PRRX1: variants seen among roughly 807,000 people sequenced by gnomAD.
PRRX1 encodes the protein paired mesoderm homeobox protein 1.
In PRRX1, 8 loss-of-function variants were observed where a neutral mutation model predicts 24.0. The ratio of observed to expected loss-of-function variants is 0.33; its 90% CI spans 0.20 to 0.60. PRRX1 has a LOEUF of 0.60. Ranked by LOEUF, PRRX1 falls within the 20% of genes least tolerant of loss-of-function variation. The pLI, the probability that PRRX1 is intolerant of heterozygous loss-of-function variation, is 0.82. For synonymous variants in PRRX1, 160 were observed against 131.7 expected (o/e 1.22, Z -1.47); for missense variants, 281 against 322.4 (o/e 0.87, Z 0.98).
intron 1 of PRRX1, among the ~76,000 whole-genome samples, chr1:170,704,899 C>A (rs1287383825): frequency 6.6e-6 from 1 of 152,128 alleles, no homozygotes; most frequent in Admixed American, 6.5e-5. Context: ...TTACTGGATG[C>A]TTTGTGCCAT....
At chr1:170,719,657 C>T in intron 1 of PRRX1, 69 bp from the exon 2 acceptor site, 4 of 1,503,586 alleles carry the variant, frequency 2.7e-6, no homozygotes, top group Non-Finnish European at 3.7e-6. Flanking sequence ...ATAGATATAC[C>T]ATAAAAAAGT....
chr1:170,713,421 C>T (rs530891643), intron 1 of PRRX1, among the ~76,000 whole-genome samples: 124 of 152,196 alleles, frequency 8.1e-4, no homozygotes, highest in African/African-American at 2.7e-3. Context: ...AGAGTTAAAG[C>T]GCTTAAGGTG....
At chr1:170,729,268 C>G (rs1016236738) in intron 3 of PRRX1, among the ~76,000 whole-genome samples, 4 of 152,166 alleles carry the variant, frequency 2.6e-5, no homozygotes, top group African/African-American at 9.7e-5. Flanking sequence ...TATCTCAGAT[C>G]AGTGAGGCAT....
intron 1 of PRRX1, among the ~76,000 whole-genome samples, chr1:170,695,368 T>A (rs1023133528): frequency 1.3e-5 from 2 of 152,186 alleles, no homozygotes; most frequent in African/African-American, 4.8e-5. Context: ...GAGATGCTAT[T>A]TTAATACTAC....
chr1:170,735,511 T>C (rs1180498642), intron 3 of PRRX1, among the ~76,000 whole-genome samples: 2 of 152,206 alleles, frequency 1.3e-5, no homozygotes, highest in African/African-American at 4.8e-5. Context: ...AGAGAACATA[T>C]GTTAGGTTGT....
chr1:170,674,374 T>C lies in PRRX1; in HGVS notation c.241+9915T>C, dbSNP rs538315840. On this transcript the variant is annotated intron_variant, in intron 1 of 3. Transcript: ENST00000239461. ...TCATTTTGGCTTCTCTGACTTCTGA[T>C]GTGAAGTGTCCTTGCTCTGTGCCTC... Among the ~76,000 whole-genome samples the C allele has an allele frequency of 5.3e-5, 8 of 152,362 alleles. No homozygotes were observed. In the South Asian group the frequency reaches 1.7e-3, roughly 32 times the overall value.
chr1:170,665,136 G>A (rs1318710773), intron 1 of PRRX1, among the ~76,000 whole-genome samples: 3 of 152,228 alleles, frequency 2.0e-5, no homozygotes, highest in African/African-American at 7.2e-5. Context: ...CTCGGGCCAA[G>A]CAAAGGGAAT....
intron 3 of PRRX1, among the ~76,000 whole-genome samples, chr1:170,729,443 T>C (rs1655360484): frequency 6.8e-6 from 1 of 147,108 alleles, no homozygotes; most frequent in Non-Finnish European, 1.5e-5. Context: ...AACCAAGGCA[T>C]AAAAGCAGTT....
At chr1:170,702,096 A>G (rs1464038737) in intron 1 of PRRX1, among the ~76,000 whole-genome samples, 1 of 152,158 alleles carries the variant, frequency 6.6e-6, no homozygotes, top group African/African-American at 2.4e-5. Context: ...AGGAACCTGC[A>G]ACCTAGATCC....
chr1:170,674,620 A>G (rs1314555693), intron 1 of PRRX1, among the ~76,000 whole-genome samples: 2 of 152,078 alleles, frequency 1.3e-5, no homozygotes, highest in African/African-American at 4.8e-5. Flanking sequence ...TTTGGGGAAA[A>G]GGTGTATTCT....
intron 1 of PRRX1, among the ~76,000 whole-genome samples, chr1:170,698,347 C>G (rs888861556): frequency 3.9e-5 from 6 of 152,094 alleles, no homozygotes; most frequent in Non-Finnish European, 7.3e-5. Flanking sequence ...TATATAACCA[C>G]TTGAGAAAAA....
chr1:170,719,665 A>G, intron 1 of PRRX1, 61 bp from the exon 2 acceptor site: 1 of 1,545,390 alleles, frequency 6.5e-7, no homozygotes, highest in Admixed American at 1.7e-5. Context: ...ACCATAAAAA[A>G]GTCTTAACTG....
At chr1:170,708,323 C>T (rs1654631264) in intron 1 of PRRX1, among the ~76,000 whole-genome samples, 1 of 150,388 alleles carries the variant, frequency 6.6e-6, no homozygotes, top group Non-Finnish European at 1.5e-5. Flanking sequence ...CCAAATGTAA[C>T]TTTTTTTTTT....
intron 1 of PRRX1, among the ~76,000 whole-genome samples, chr1:170,673,706 C>T (rs1653215827): frequency 6.6e-6 from 1 of 152,206 alleles, no homozygotes; most frequent in Non-Finnish European, 1.5e-5. Flanking sequence ...CCAGTCTGAT[C>T]CTCCTACAGC....
Position 170,692,872 on chromosome 1 carries a change from A to T in PRRX1, c.242-26854A>T, listed in dbSNP as rs79154288. ...CTTCTGCAGAAAGCCCTTGACCCTGAGGTGTCTTGGGAAATTTTAGGACTT... is the reference window on the plus strand; with the variant it reads ...CTTCTGCAGAAAGCCCTTGACCCTGTGGTGTCTTGGGAAATTTTAGGACTT... On this transcript the variant is annotated intron_variant, in intron 1 of 3. Coordinates refer to ENST00000239461, the MANE Select transcript of PRRX1 (RefSeq NM_022716.4). Among the ~76,000 whole-genome samples the T allele has an allele frequency of 7.7e-3, 1,176 of 152,146 alleles. 16 individuals carry two copies. Among genetic ancestry groups the T allele is most frequent in the African/African-American group, 0.027 (1,114 of 41,526 alleles).
chr1:170,667,900 C>A (rs776244118), intron 1 of PRRX1: 4 of 152,186 alleles, frequency 2.6e-5, no homozygotes, highest in African/African-American at 9.7e-5. Context: ...TGCAAAATTC[C>A]TAACTATAAC....
intron 1 of PRRX1, among the ~76,000 whole-genome samples, chr1:170,717,828 T>C (rs1208096248): frequency 6.6e-6 from 1 of 152,228 alleles, no homozygotes; most frequent in Non-Finnish European, 1.5e-5. Context: ...TGAATTCTAG[T>C]GCTGATCTTA....
chr1:170,697,739 T>G (rs1408048370), intron 1 of PRRX1, among the ~76,000 whole-genome samples: 1 of 147,256 alleles, frequency 6.8e-6, no homozygotes, highest in Non-Finnish European at 1.5e-5. Context: ...TATACATATA[T>G]AAATATATAT....
At chr1:170,721,739 T>A (rs1225251952) in intron 2 of PRRX1, among the ~76,000 whole-genome samples, 2 of 152,164 alleles carry the variant, frequency 1.3e-5, no homozygotes, top group African/African-American at 4.8e-5. Context: ...GTGCAGATTA[T>A]GCAATTTGTC....
Sources: allele counts gnomAD v4.1 joint callset (sites outside exome capture counted in the v4.1 genomes callset), GRCh38; gene constraint gnomAD v4.1.1; transcripts MANE v1.5; gene names NCBI Gene and HGNC (gene_info 2026-07-23, HGNC 2026-07-21).